OGDH: variants seen among roughly 807,000 people sequenced by gnomAD.
OGDH encodes 2-oxoglutarate dehydrogenase complex component E1.
Under a neutral mutation model 116.6 loss-of-function variants are expected in OGDH, and 38 were observed. That is an observed-to-expected ratio of 0.33 (90% CI 0.25 to 0.43). The LOEUF is 0.43. OGDH is among the 20% of genes least tolerant of loss of function. OGDH has a pLI of 1.00. For synonymous variants in OGDH, 488 were observed against 533.3 expected (o/e 0.92, Z 1.17); for missense variants, 825 against 1,357.2 (o/e 0.61, Z 6.16).
At chr7:44,706,805 G>A (rs1220173294) in intron 20 of OGDH, among the ~76,000 whole-genome samples, 2 of 150,776 alleles carry the variant, frequency 1.3e-5, no homozygotes, top group African/African-American at 2.4e-5. Context: ...TATTTTTTTA[G>A]TAGAGACGGG....
In OGDH at chr7:44,675,287, G is replaced by T; in HGVS notation, c.1026+19G>T. 1 of 1,603,658 alleles carries T rather than the reference G, an allele frequency of 6.2e-7. No individual in the cohort carries two copies. The highest frequency in any genetic ancestry group is 1.1e-5 in the South Asian group (1 of 90,650). On this transcript the variant is annotated intron_variant, in intron 8 of 22. Transcript: ENST00000222673. The stretch of plus-strand genomic sequence containing the variant: ...TGATGAGGTGAGGCACCTGCATAGA[G>T]ACACATCCAGCATAGCCCCAACTTA...
At chr7:44,645,632 C>T (rs1786139950) in intron 3 of OGDH, 114 bp downstream of exon 3, 2 of 954,342 alleles carry the variant, frequency 2.1e-6, no homozygotes, top group Admixed American at 2.9e-5. Context: ...TATACCTCCT[C>T]AAATACTAGG....
intron 4 of OGDH, among the ~76,000 whole-genome samples, chr7:44,648,774 G>T (rs982168135): frequency 3.3e-5 from 5 of 152,126 alleles, no homozygotes; most frequent in African/African-American, 9.7e-5. Flanking sequence ...GTTTGTAATT[G>T]TTTTTTTAAT....
intron 6 of OGDH, 53 bp from the exon 7 acceptor site, chr7:44,674,358 T>C: frequency 5.6e-6 from 9 of 1,610,262 alleles, no homozygotes; most frequent in Non-Finnish European, 7.6e-6. Flanking sequence ...ATCCCCTCTT[T>C]TTGGTCAGGA....
chr7:44,634,216 G>C (rs1785567675), intron 2 of OGDH, among the ~76,000 whole-genome samples: 1 of 152,238 alleles, frequency 6.6e-6, no homozygotes, highest in Non-Finnish European at 1.5e-5. Context: ...CAAAGTCCCA[G>C]AGTAGCTCCA....
intron 2 of OGDH, among the ~76,000 whole-genome samples, chr7:44,643,300 A>G (rs1314964172): frequency 6.6e-6 from 1 of 152,102 alleles, no homozygotes; most frequent in Non-Finnish European, 1.5e-5. Context: ...TATGTTCACA[A>G]TACTGTGCAG....
intron 2 of OGDH, among the ~76,000 whole-genome samples, chr7:44,633,472 G>A (rs1021524608): frequency 6.6e-6 from 1 of 151,982 alleles, no homozygotes; most frequent in African/African-American, 2.4e-5. Context: ...GGTTAGTGCC[G>A]GTTTTTTAGA....
chr7:44,673,884 T>G lies in OGDH; in HGVS notation c.731T>G (p.Met244Arg), dbSNP rs776200816. ...IRQKFETPGI[M>R]QFTNEEKRTL... ...CAGAAGTTTGAGACCCCTGGGATCA[T>G]GCAGTTCACAAATGAGGAGAAACGG... Residue 244 changes from methionine (M) to arginine (R), a missense_variant, in exon 6 of 23, where the codon ATG becomes AGG. Physicochemically the swap from Met to Arg is moderately conservative, Grantham distance 91. Transcript: ENST00000222673. The G allele has an allele frequency of 4.3e-6, 7 of 1,614,196 alleles. No homozygotes were observed. The South Asian group carries it at 5.5e-5, about 13-fold the overall frequency.
In OGDH at chr7:44,666,864, T is replaced by C; in HGVS notation, c.633+13T>C. On this transcript the variant is annotated intron_variant, in intron 5 of 22. Transcript: ENST00000222673. ...CCGTCGGCTGGAGGTAAGAGCAGTT[T>C]CTGGAAAAATCTAATGGACTTCTTA... 6.5e-7 allele frequency: 1 copy of C among 1,538,700 alleles called. No homozygotes were observed. The highest frequency in any genetic ancestry group is 1.4e-5 in the African/African-American group (1 of 72,880).
intron 5 of OGDH, among the ~76,000 whole-genome samples, chr7:44,672,639 T>G (rs1275677713): frequency 6.8e-6 from 1 of 147,348 alleles, no homozygotes; most frequent in African/African-American, 2.6e-5. Context: ...TTCTTTTTGT[T>G]TTTTGTTTTT....
At chr7:44,627,205 C>T (rs181626568) in intron 2 of OGDH, among the ~76,000 whole-genome samples, 3 of 152,186 alleles carry the variant, frequency 2.0e-5, no homozygotes, top group East Asian at 1.9e-4. Context: ...CCATGTTAGT[C>T]GGGCTGGTCT....
At chr7:44,699,016 C>T (rs374633108) in intron 18 of OGDH, among the ~76,000 whole-genome samples, 1 of 151,364 alleles carries the variant, frequency 6.6e-6, no homozygotes, top group South Asian at 2.1e-4. Flanking sequence ...TGGTGGCGCC[C>T]ACCTGTAATC....
chr7:44,707,348 G>A lies in OGDH; in HGVS notation c.2756G>A (p.Arg919His), dbSNP rs375453710. Reference protein sequence around the residue: ...YYDLTRERKARDMVGQVAITR... With the variant: ...YYDLTRERKAHDMVGQVAITR... ...GACCTCACCCGGGAGCGCAAAGCAC[G>A]CGACATGGTGGGGCAGGTGGCCATC... Residue 919 changes from arginine to histidine, a missense_variant, in exon 21 of 23, where the codon CGC becomes CAC. This residue lies in a region of OGDH where 212 missense variants were observed against 284.3 expected (regional missense o/e 0.75). Transcript: ENST00000222673. The surrounding 1 kb of genome is among the most constrained non-coding windows in gnomAD (Gnocchi z 5.2). 5 of 1,614,134 alleles carry A rather than the reference G, an allele frequency of 3.1e-6. No individual in the cohort carries two copies. The highest frequency in any genetic ancestry group is 1.1e-5 in the South Asian group (1 of 91,092).
chr7:44,640,561 C>G (rs1453479887), intron 2 of OGDH, among the ~76,000 whole-genome samples: 1 of 152,116 alleles, frequency 6.6e-6, no homozygotes, highest in African/African-American at 2.4e-5. Flanking sequence ...TGAATATTGT[C>G]CCCTAGGATA....
intron 10 of OGDH, among the ~76,000 whole-genome samples, chr7:44,691,619 G>A (rs1268851002): frequency 2.6e-5 from 4 of 151,774 alleles, no homozygotes; most frequent in African/African-American, 7.3e-5. Context: ...CAGCAGAAGC[G>A]TCTTTGCATA....
rs933414641 is a variant in OGDH at position 44,694,221 on chromosome 7, G to A, written c.1516-203G>A. Among the ~76,000 whole-genome samples, 1 of 152,080 alleles carries A rather than the reference G, an allele frequency of 6.6e-6. No individual in the cohort carries two copies. Among genetic ancestry groups the A allele is most frequent in the East Asian group, 1.9e-4 (1 of 5,186 alleles). On this transcript the variant is annotated intron_variant, in intron 11 of 22. Transcript: ENST00000222673. The surrounding 1 kb of genome is among the most constrained non-coding windows in gnomAD (Gnocchi z 4.2). ...AGGCAGGAGCTGTGGTGGTGAGGAG[G>A]GCCACTCCTCATTGACAGAGCAGCT...
chr7:44,691,981 T>TAAAAAAAAAAAAA (rs371665967), intron 10 of OGDH, among the ~76,000 whole-genome samples: 4 of 102,606 alleles, frequency 3.9e-5, no homozygotes, highest in African/African-American at 1.3e-4. Context: ...GACTCTGTCT[T>TAAAAAAAAAAAAA]AAAAAAAAAA....
At chr7:44,610,753 C>T (rs10242368) in intron 1 of OGDH, among the ~76,000 whole-genome samples, 1,941 of 152,196 alleles carry the variant, frequency 0.013, 49 homozygotes, top group African/African-American at 0.045. Context: ...ACTACAGCCG[C>T]GTGCCACCAC....
intron 4 of OGDH, among the ~76,000 whole-genome samples, chr7:44,658,529 A>G (rs1211719011): frequency 2.0e-5 from 3 of 147,488 alleles, no homozygotes; most frequent in Non-Finnish European, 4.4e-5. Context: ...AAGTTATTTC[A>G]TCCTTCCCAA....
Sources: gnomAD v4.1 joint callset for allele counts (sites outside exome capture counted in the v4.1 genomes callset) on GRCh38, gnomAD v4.1.1 for gene constraint, gnomAD v4.1.1 regional missense constraint, Gnocchi (gnomAD v3.1) non-coding constraint, MANE v1.5 for transcripts, NCBI Gene and HGNC (gene_info 2026-07-23, HGNC 2026-07-21) for gene names.